TAB2: variants seen among roughly 807,000 people sequenced by gnomAD.
TAB2 encodes the protein TGF-beta-activated kinase 1 and MAP3K7-binding protein 2.
A neutral mutation model predicts 65.0 loss-of-function variants in TAB2; 3 were observed. The ratio of observed to expected loss-of-function variants is 0.05; its 90% confidence interval spans 0.02 to 0.12. The LOEUF is 0.12. TAB2 is among the 10% of genes least tolerant of loss of function. TAB2 has a pLI of 1.00. For synonymous variants in TAB2, 298 were observed against 285.1 expected, an observed-to-expected ratio of 1.05 and a Z score of -0.46; for missense variants, 623 against 840.3, an observed-to-expected ratio of 0.74 and a Z score of 3.20.
At chr6:149,394,425 A>G (rs1321500745) in intron 3 of TAB2, among the ~76,000 whole-genome samples, 1 of 152,102 alleles carries the variant, frequency 6.6e-6, no homozygotes, top group Non-Finnish European at 1.5e-5. Context: ...ATCTTTGAGT[A>G]TAGTTCTGTT....
At chr6:149,408,041 C>T (rs1220189496) in intron 6 of TAB2, among the ~76,000 whole-genome samples, 3 of 152,244 alleles carry the variant, frequency 2.0e-5, no homozygotes, top group Non-Finnish European at 4.4e-5. Context: ...AAAATGTTTT[C>T]TAATGCCTGA....
At chr6:149,399,633 CATT>C (rs1273315470) in intron 6 of TAB2, among the ~76,000 whole-genome samples, 6 of 151,616 alleles carry the variant, frequency 4.0e-5, no homozygotes, top group African/African-American at 1.5e-4. Flanking sequence ...CATTTTACAT[CATT>C]GATATTCTCA....
chr6:149,270,059 G>C (rs553709684), intron 1 of TAB2, among the ~76,000 whole-genome samples: 1 of 152,338 alleles, frequency 6.6e-6, no homozygotes, highest in East Asian at 1.9e-4. Context: ...AGCCACATCA[G>C]CAATAGATGA....
chr6:149,342,818 A>T (rs1174538480), intron 1 of TAB2: 1 of 152,172 alleles, frequency 6.6e-6, no homozygotes, highest in Non-Finnish European at 1.5e-5. Flanking sequence ...TACAATTTGA[A>T]TTTTTCTATT....
At chr6:149,317,152 G>A (rs1779275430), upstream of TAB2, among the ~76,000 whole-genome samples, 1 of 151,946 alleles carries the variant, frequency 6.6e-6, no homozygotes, top group South Asian at 2.1e-4. The surrounding 1 kb of genome is among the most constrained non-coding windows in gnomAD (Gnocchi z 4.7). Context: ...TGGGACGCGA[G>A]CTCAGTTCCT....
intron 3 of TAB2, among the ~76,000 whole-genome samples, chr6:149,388,252 A>G (rs1286852095): frequency 1.3e-5 from 2 of 152,212 alleles, no homozygotes; most frequent in Admixed American, 1.3e-4. Flanking sequence ...TCCATGACCA[A>G]GGAAACATAG....
At chr6:149,229,418 GTT>G (rs34772749) in intron 1 of TAB2, among the ~76,000 whole-genome samples, 18 of 134,170 alleles carry the variant, frequency 1.3e-4, no homozygotes, top group African/African-American at 3.1e-4. Flanking sequence ...GTGTGTGTGT[GTT>G]TGTGTGTGTG....
intron 1 of TAB2, among the ~76,000 whole-genome samples, chr6:149,331,447 G>A (rs1779783530): frequency 6.6e-6 from 1 of 152,068 alleles, no homozygotes; most frequent in South Asian, 2.1e-4. Flanking sequence ...GTTTTAGGAG[G>A]TTTATTTTGT....
At chr6:149,368,804 GTGA>G (rs1056246098) in intron 1 of TAB2, among the ~76,000 whole-genome samples, 1 of 152,044 alleles carries the variant, frequency 6.6e-6, no homozygotes, top group African/African-American at 2.4e-5. Flanking sequence ...ATTTAATCAA[GTGA>G]TGATAAAAAA....
At chr6:149,251,258 T>G (rs1293908019) in intron 1 of TAB2, among the ~76,000 whole-genome samples, 1 of 152,138 alleles carries the variant, frequency 6.6e-6, no homozygotes, top group Non-Finnish European at 1.5e-5. Flanking sequence ...GACAAGATTC[T>G]TATTTCTTCT....
chr6:149,234,084 A>C (rs1236440074), intron 1 of TAB2, among the ~76,000 whole-genome samples: 1 of 152,158 alleles, frequency 6.6e-6, no homozygotes, highest in Non-Finnish European at 1.5e-5. Context: ...TTGTATTTTC[A>C]ACCAAGTCTT....
intron 1 of TAB2, among the ~76,000 whole-genome samples, chr6:149,258,919 T>C (rs6919631): frequency 0.17 from 26,435 of 152,184 alleles, 2,402 homozygotes; most frequent in East Asian, 0.27. Context: ...GTCAGAGTTA[T>C]GGGATGTGAA....
At chr6:149,250,995 A>G (rs1467936056) in intron 1 of TAB2, among the ~76,000 whole-genome samples, 4 of 152,020 alleles carry the variant, frequency 2.6e-5, no homozygotes, top group Non-Finnish European at 5.9e-5. Context: ...TGCTGTCCCC[A>G]TAGCAGCCAG....
At chr6:149,360,381 C>T (rs478531) in intron 1 of TAB2, among the ~76,000 whole-genome samples, 15,534 of 152,096 alleles carry the variant, frequency 0.1, 1,285 homozygotes, top group East Asian at 0.42. Flanking sequence ...CAATCATGGC[C>T]GAAGGCACAG....
rs1312308858 is a variant in TAB2 at position 149,403,361 on chromosome 6, CACACACACACACAT to C, written c.1939+4183_1939+4196del. Among the ~76,000 whole-genome samples, 27 of 141,960 alleles carry C rather than the reference CACACACACACACAT, an allele frequency of 1.9e-4. 1 individual carries two copies. The highest frequency in any genetic ancestry group is 6.5e-4 in the South Asian group (3 of 4,606). The allele number at this position is 141,960 out of a possible 152,430, so 93.1% of individuals were successfully genotyped here. On this transcript the variant is annotated intron_variant, in intron 6 of 6. Transcript: ENST00000637181. ...ATATACACACACACACACACACACA[CACACACACACACAT>C]ACACATACACATATAGAAGGAACTT...
chr6:149,332,398 C>A (rs1238912111), intron 1 of TAB2, among the ~76,000 whole-genome samples: 1 of 152,130 alleles, frequency 6.6e-6, no homozygotes. Flanking sequence ...AAGCCAGACT[C>A]TTCTAACATG....
chr6:149,377,932 A>T, intron 2 of TAB2, 86 bp from the exon 3 acceptor site: 1 of 998,058 alleles, frequency 1.0e-6, no homozygotes, highest in Non-Finnish European at 1.5e-6. Context: ...TTAGCCAGTC[A>T]CTTGGTAATC....
chr6:149,354,670 G>A (rs769025280), intron 1 of TAB2, among the ~76,000 whole-genome samples: 4 of 152,128 alleles, frequency 2.6e-5, no homozygotes, highest in South Asian at 2.1e-4. Context: ...TTCTGTGCAC[G>A]TAAAAGCGTG....
At chr6:149,401,204 AAAAG>A (rs1311128168) in intron 6 of TAB2, 3 of 167,176 alleles carry the variant, frequency 1.8e-5, no homozygotes, top group South Asian at 2.1e-4. Context: ...CTCTAAAAAA[AAAAG>A]AAAGAATCCT....
Sources: allele counts gnomAD v4.1 joint callset (sites outside exome capture counted in the v4.1 genomes callset), GRCh38; gene constraint gnomAD v4.1.1; non-coding constraint Gnocchi (gnomAD v3.1); transcripts MANE v1.5; gene names NCBI Gene and HGNC (gene_info 2026-07-23, HGNC 2026-07-21).